The following GNG7 variants were observed in gnomAD, a reference collection of about 807,000 sequenced individuals.
GNG7 encodes the protein G protein subunit gamma 7.
A neutral mutation model predicts 4.0 loss-of-function variants in GNG7; 1 was observed. The observed-to-expected ratio is 0.25, with a 90% CI of 0.09 to 1.18. The LOEUF (loss-of-function observed/expected upper bound fraction) is 1.18, where lower values mean the gene tolerates loss of function less well. GNG7 is among the 50% of genes most tolerant of loss of function. The pLI is 0.50. For synonymous variants in GNG7, 34 were observed against 36.9 expected, an observed-to-expected ratio of 0.92 and a Z score of 0.29; for missense variants, 86 against 91.9, an observed-to-expected ratio of 0.94 and a Z score of 0.26.
intron 2 of GNG7, among the ~76,000 whole-genome samples, chr19:2,577,629 A>C (rs1173711580): frequency 1.4e-5 from 2 of 146,404 alleles, no homozygotes; most frequent in Middle Eastern, 3.5e-3. Context: ...TTAAGCCAGG[A>C]GGCGGAGGTT....
intron 1 of GNG7, among the ~76,000 whole-genome samples, chr19:2,663,413 C>G (rs1043080115): frequency 1.3e-5 from 2 of 151,716 alleles, no homozygotes; most frequent in Non-Finnish European, 2.9e-5. Context: ...CCTTCCACCT[C>G]TGACGCAGCA....
At chr19:2,652,390 C>A (rs748392033) in intron 1 of GNG7, among the ~76,000 whole-genome samples, 9 of 151,520 alleles carry the variant, frequency 5.9e-5, no homozygotes, top group African/African-American at 1.9e-4. Flanking sequence ...GAGGCCGAGG[C>A]GGGTAAATCA....
At chr19:2,526,889 AG>A (rs985204464) in intron 3 of GNG7, among the ~76,000 whole-genome samples, 1 of 127,084 alleles carries the variant, frequency 7.9e-6, no homozygotes, top group Admixed American at 8.4e-5. Flanking sequence ...TCTGTCGCCC[AG>A]GCTGGAGTGC....
intron 2 of GNG7, chr19:2,643,762 A>C (rs1982584959): frequency 2.5e-6 from 1 of 404,602 alleles, no homozygotes; most frequent in African/African-American, 2.1e-5. Context: ...CTTCAAGCGC[A>C]CATGGTTCTA....
chr19:2,624,033 G>T (rs923541764), intron 2 of GNG7, among the ~76,000 whole-genome samples: 2 of 152,076 alleles, frequency 1.3e-5, no homozygotes, highest in Non-Finnish European at 2.9e-5. Context: ...GAAGCAGGAT[G>T]GGGGGTGCCA....
chr19:2,622,073 C>CTT (rs535584117), intron 2 of GNG7, among the ~76,000 whole-genome samples: 1 of 140,388 alleles, frequency 7.1e-6, no homozygotes, highest in African/African-American at 2.8e-5. Flanking sequence ...CCCTCATCAA[C>CTT]TTTTTTTTTT....
At chr19:2,569,151 C>T (rs750094416) in intron 2 of GNG7, among the ~76,000 whole-genome samples, 2 of 152,112 alleles carry the variant, frequency 1.3e-5, no homozygotes, top group South Asian at 4.1e-4. Context: ...ACACACAACT[C>T]AGTGAAGGGA....
At chr19:2,629,513 T>C (rs2144840650) in intron 2 of GNG7, among the ~76,000 whole-genome samples, 1 of 152,228 alleles carries the variant, frequency 6.6e-6, no homozygotes, top group Non-Finnish European at 1.5e-5. Flanking sequence ...CTTCTAGTGC[T>C]AGGAGCCCCA....
Position 2,511,965 on chromosome 19 carries a change from C to CGCTGT in GNG7, c.*3052_*3056dup. 1 of 985,868 alleles carries CGCTGT rather than the reference C, an allele frequency of 1.0e-6. No individual in the cohort carries two copies. Among genetic ancestry groups the CGCTGT allele is most frequent in the Non-Finnish European group, 1.2e-6 (1 of 829,940 alleles). The allele number at this position is 985,868 out of a possible 1,614,324, so 61.1% of individuals were successfully genotyped here. On this transcript the variant is annotated 3_prime_UTR_variant, in exon 5 of 5. Transcript: ENST00000382159. This position sits in a 1 kb window ranked among gnomAD's most constrained non-coding sequence, Gnocchi z 6.3. ...GTCACAACAGGGTCGGGGCCTGGCC[C>CGCTGT]GCTGTGGCCCTTCACCTGGCTACTG...
intron 2 of GNG7, among the ~76,000 whole-genome samples, chr19:2,622,451 G>C (rs1351286468): frequency 1.3e-5 from 2 of 152,274 alleles, no homozygotes; most frequent in African/African-American, 4.8e-5. Context: ...ATGAGGGCTG[G>C]GGATTCAGCC....
At position 2,523,546 on chromosome 19, in the gene GNG7, C is replaced by A. The variant is rs528967573; in HGVS notation, c.-37-2821G>T. Reference sequence around the variant, plus strand: ...CTGAATAAATAATAAAAGGGCAACACGAATGATCCCTGTTAGTGCCTCAAC... The same window carrying A: ...CTGAATAAATAATAAAAGGGCAACAAGAATGATCCCTGTTAGTGCCTCAAC... On this transcript the variant is annotated intron_variant, in intron 3 of 4. Transcript: ENST00000382159. Among the ~76,000 whole-genome samples the A allele has an allele frequency of 1.1e-4, 17 of 152,168 alleles. 3 individuals are homozygous for A. The South Asian group carries it at 3.1e-3, about 28-fold the overall frequency.
intron 3 of GNG7, among the ~76,000 whole-genome samples, chr19:2,542,522 GA>G (rs1350808438): frequency 6.6e-6 from 1 of 152,180 alleles, no homozygotes; most frequent in East Asian, 1.9e-4. Context: ...GGAAGAACCT[GA>G]ATGAGCTGGG....
chr19:2,607,562 TAAAAA>T (rs57077280), intron 2 of GNG7, among the ~76,000 whole-genome samples: 11 of 110,592 alleles, frequency 9.9e-5, no homozygotes, highest in African/African-American at 1.5e-4. Flanking sequence ...ACTAAAATGG[TAAAAA>T]AAAAAAAAAA....
intron 2 of GNG7, among the ~76,000 whole-genome samples, chr19:2,560,636 C>G (rs1979713218): frequency 6.6e-6 from 1 of 152,150 alleles, no homozygotes; most frequent in Non-Finnish European, 1.5e-5. Flanking sequence ...CCGATGTCCA[C>G]AGGGCCTGGG....
intron 1 of GNG7, among the ~76,000 whole-genome samples, chr19:2,689,420 C>T (rs915293823): frequency 1.3e-5 from 2 of 151,492 alleles, no homozygotes; most frequent in South Asian, 2.1e-4. Flanking sequence ...GTCAGAAGTT[C>T]GAGACCAGCC....
intron 1 of GNG7, among the ~76,000 whole-genome samples, chr19:2,657,399 T>TATATATATATACATACAC (rs1332253018): frequency 1.2e-5 from 1 of 80,748 alleles, no homozygotes; most frequent in Non-Finnish European, 2.3e-5. Flanking sequence ...TATATATATA[T>TATATATATATACATACAC]ACACATAATA....
At chr19:2,533,842 T>TCTAAA (rs1373042793) in intron 3 of GNG7, among the ~76,000 whole-genome samples, 4 of 152,046 alleles carry the variant, frequency 2.6e-5, no homozygotes, top group Admixed American at 1.3e-4. Flanking sequence ...ATAAGATAAT[T>TCTAAA]CTAAAATTCC....
At chr19:2,588,335 C>T (rs893877753) in intron 2 of GNG7, among the ~76,000 whole-genome samples, 3 of 152,102 alleles carry the variant, frequency 2.0e-5, no homozygotes, top group African/African-American at 7.2e-5. Context: ...GAGGACAACC[C>T]GAAAGACATC....
intron 3 of GNG7, among the ~76,000 whole-genome samples, chr19:2,544,385 C>G (rs1337697236): frequency 6.6e-6 from 1 of 152,158 alleles, no homozygotes; most frequent in Non-Finnish European, 1.5e-5. Flanking sequence ...ATGAGCACCC[C>G]CGGGAGCCAT....
Sources: gnomAD v4.1 joint callset for allele counts (sites outside exome capture counted in the v4.1 genomes callset) on GRCh38, gnomAD v4.1.1 for gene constraint, Gnocchi (gnomAD v3.1) non-coding constraint, MANE v1.5 for transcripts, NCBI Gene and HGNC (gene_info 2026-07-23, HGNC 2026-07-21) for gene names.